The following SH3KBP1 variants were observed in gnomAD, a reference collection of about 807,000 sequenced individuals.
The protein encoded by SH3KBP1 is SH3 domain containing kinase binding protein 1.
SH3KBP1 carries 8 observed loss-of-function variants against 50.1 expected under a neutral mutation model. The ratio of observed to expected loss-of-function variants is 0.16; its 90% CI spans 0.09 to 0.29. The LOEUF (loss-of-function observed/expected upper bound fraction) is 0.29, where lower values mean the gene tolerates loss of function less well. Ranked by LOEUF, SH3KBP1 falls within the 10% of genes least tolerant of loss-of-function variation. The probability of loss-of-function intolerance (pLI) is 1.00; values close to 1 mark genes in which losing one functional copy is unlikely to be tolerated. For missense variants in SH3KBP1, 377 were observed against 535.2 expected (o/e 0.70, Z 2.92); for synonymous variants, 227 against 218.6 (o/e 1.04, Z -0.34).
intron 2 of SH3KBP1, among the ~76,000 whole-genome samples, chrX:19,806,257 C>A (rs1042431605): frequency 3.6e-5 from 4 of 111,672 alleles, no homozygotes; most frequent in Non-Finnish European, 7.5e-5. Flanking sequence ...TAGTTTATGC[C>A]CGTAATCCCA....
chrX:19,746,275 T>C, intron 3 of SH3KBP1, 43 bp downstream of exon 3: 1 of 1,193,208 alleles, frequency 8.4e-7, no homozygotes, highest in East Asian at 3.0e-5. Context: ...TTTCCAGCTT[T>C]TGTTTGTGTG....
At chrX:19,566,993 C>A (rs73457634) in intron 13 of SH3KBP1, among the ~76,000 whole-genome samples, 2,250 of 110,626 alleles carry the variant, frequency 0.02, 52 homozygotes, top group African/African-American at 0.07. Context: ...AGTGCTCTTA[C>A]AAGGCCTGCC....
rs73193552 is a variant in SH3KBP1 at position 19,632,965 on chromosome X, C to T, written c.803-1007G>A. Among the ~76,000 whole-genome samples, 540 of 112,134 alleles carry T rather than the reference C, an allele frequency of 4.8e-3. 1 individual carries two copies. Among genetic ancestry groups the T allele is most frequent in the African/African-American group, 0.011 (338 of 30,851 alleles). ...CAAGCATCAGGCCCGTTCCTGCAGA[C>T]GGATCACAACCTAGAGCTATGTCTT... is the stretch of plus-strand genomic sequence containing the variant. On this transcript the variant is annotated intron_variant, in intron 7 of 17. Transcript: ENST00000397821.
chrX:19,808,641 A>G (rs1355978122), intron 2 of SH3KBP1, among the ~76,000 whole-genome samples: 2 of 111,482 alleles, frequency 1.8e-5, no homozygotes, highest in Admixed American at 9.5e-5. Context: ...CTCTCAAGTT[A>G]GCCCACACTC....
intron 12 of SH3KBP1, chrX:19,588,290 G>A (rs1197147744): frequency 2.3e-5 from 24 of 1,029,673 alleles, no homozygotes; most frequent in Admixed American, 3.9e-5. Flanking sequence ...CAACATCCAG[G>A]GGGACAAAGA....
At chrX:19,584,411 A>G (rs758584562) in intron 12 of SH3KBP1, among the ~76,000 whole-genome samples, 1 of 106,016 alleles carries the variant, frequency 9.4e-6, no homozygotes, top group African/African-American at 3.4e-5. Flanking sequence ...TTCACTGCAG[A>G]CTCAACCTCC....
chrX:19,875,428 G>A (rs150632960), intron 1 of SH3KBP1, among the ~76,000 whole-genome samples: 3,362 of 112,284 alleles, frequency 0.03, 131 homozygotes, highest in African/African-American at 0.1. Context: ...GAGGCCACAC[G>A]GCCTCACATC....
rs1383771868 is a variant in SH3KBP1 at position 19,881,503 on chromosome X, T to C, written c.4+5804A>G. Among the ~76,000 whole-genome samples, 5 of 112,076 alleles carry C rather than the reference T, an allele frequency of 4.5e-5. No individual in the cohort carries two copies. The East Asian group carries it at 1.4e-3, about 31-fold the overall frequency. ...CGTCTAAGACACACCTGGGTGAAGTTAGCTAGGAGAGGATACCAATGATAA... is the reference window on the plus strand; with the variant it reads ...CGTCTAAGACACACCTGGGTGAAGTCAGCTAGGAGAGGATACCAATGATAA... On this transcript the variant is annotated intron_variant, in intron 1 of 17. Coordinates refer to ENST00000397821, the MANE Select transcript of SH3KBP1 (RefSeq NM_031892.3).
chrX:19,880,188 C>T (rs1164188400), intron 1 of SH3KBP1, among the ~76,000 whole-genome samples: 1 of 113,077 alleles, frequency 8.8e-6, no homozygotes, highest in Non-Finnish European at 1.9e-5. Flanking sequence ...TGTGGCATCA[C>T]CCTTCTCACC....
intron 2 of SH3KBP1, among the ~76,000 whole-genome samples, chrX:19,751,896 G>C (rs746827977): frequency 1.7e-3 from 187 of 112,375 alleles, no homozygotes; most frequent in African/African-American, 5.8e-3. Context: ...AGCTATGCTA[G>C]GATGGTCTGC....
rs749482047 is a variant in SH3KBP1, at chrX:19,588,427, G to A, written c.1298+216C>T. ...ACCCAGTCCTCATGAAACCCACACC[G>A]CACCCCTCAACCTCACACTCACTCC... On this transcript the variant is annotated intron_variant, in intron 12 of 17. Coordinates refer to ENST00000397821, the MANE Select transcript of SH3KBP1 (RefSeq NM_031892.3). The A allele has an allele frequency of 1.2e-5, 14 of 1,141,416 alleles. No individual in the cohort carries two copies. In the East Asian group the frequency reaches 1.7e-4, roughly 14 times the overall value. The allele number at this position is 1,141,416 out of a possible 1,213,427, so 94.1% of individuals were successfully genotyped here.
intron 3 of SH3KBP1, among the ~76,000 whole-genome samples, chrX:19,745,948 T>C (rs895277814): frequency 8.9e-6 from 1 of 112,043 alleles, no homozygotes; most frequent in African/African-American, 3.2e-5. Flanking sequence ...CTTGATAAGG[T>C]TTGCCTTAAA....
At chrX:19,554,016 TA>T (rs1268549812) in intron 13 of SH3KBP1, among the ~76,000 whole-genome samples, 34 of 63,117 alleles carry the variant, frequency 5.4e-4, no homozygotes, top group Admixed American at 5.0e-4. Context: ...TAATATATAA[TA>T]TATATTAAAA....
At chrX:19,854,143 T>A (rs2068586571) in intron 1 of SH3KBP1, among the ~76,000 whole-genome samples, 1 of 109,521 alleles carries the variant, frequency 9.1e-6, no homozygotes, top group Non-Finnish European at 1.9e-5. Context: ...TGAGATGGAG[T>A]CTTGCTCTAT....
At chrX:19,692,829 T>A (rs1294155664) in intron 5 of SH3KBP1, among the ~76,000 whole-genome samples, 2 of 108,079 alleles carry the variant, frequency 1.9e-5, no homozygotes, top group Non-Finnish European at 1.9e-5. Context: ...ATTACAGGTA[T>A]GTGCCAGCAC....
In SH3KBP1 at chrX:19,569,267, G is replaced by A. The variant is rs7059933; in HGVS notation, c.1299-79C>T. On this transcript the variant is annotated intron_variant, in intron 12 of 17. Coordinates refer to ENST00000397821, the MANE Select transcript of SH3KBP1 (RefSeq NM_031892.3). ...TTCTGTCAGTTTTCTTGCTGCACACGTTAAGGAGTGTGCTGGTGTGGAGTG... is the reference window on the plus strand; with the variant it reads ...TTCTGTCAGTTTTCTTGCTGCACACATTAAGGAGTGTGCTGGTGTGGAGTG... The A allele has an allele frequency of 9.2e-3, 8,007 of 869,694 alleles. 280 individuals are homozygous for A. In the African/African-American group the frequency reaches 0.12, roughly 13 times the overall value. 71.7% of individuals were successfully genotyped at this position (869,694 alleles called of 1,213,427 possible). A position where few individuals can be genotyped will look rare whatever the true frequency, so the allele number is the denominator to read the frequency against.
At chrX:19,678,887 T>C (rs1297428067) in intron 6 of SH3KBP1, among the ~76,000 whole-genome samples, 2 of 111,824 alleles carry the variant, frequency 1.8e-5, no homozygotes, top group African/African-American at 6.5e-5. Flanking sequence ...GCTCTCAAGA[T>C]CAAGTCCAAC....
At chrX:19,699,205 G>A (rs956239548) in intron 4 of SH3KBP1, among the ~76,000 whole-genome samples, 1 of 112,199 alleles carries the variant, frequency 8.9e-6, no homozygotes, top group African/African-American at 3.2e-5. Context: ...CAAGAGAGAG[G>A]CAGTTACAGA....
chrX:19,832,857 G>A (rs2067938988), intron 2 of SH3KBP1, among the ~76,000 whole-genome samples: 1 of 111,975 alleles, frequency 8.9e-6, no homozygotes, highest in Non-Finnish European at 1.9e-5. Flanking sequence ...AGCAGGGGGA[G>A]GGTCAGGTTC....
Sources: gnomAD v4.1 joint callset for allele counts (sites outside exome capture counted in the v4.1 genomes callset) on GRCh38, gnomAD v4.1.1 for gene constraint, MANE v1.5 for transcripts, NCBI Gene and HGNC (gene_info 2026-07-23, HGNC 2026-07-21) for gene names.